The following ATP6V0A1 variants were observed in gnomAD, a reference collection of about 807,000 sequenced individuals.
The protein encoded by ATP6V0A1 is V-type proton ATPase 116 kDa subunit a 1.
Under a neutral mutation model 105.4 loss-of-function variants are expected in ATP6V0A1, and 43 were observed. That is an observed-to-expected ratio of 0.41 (90% CI 0.32 to 0.53). The LOEUF is 0.53. ATP6V0A1 is among the 20% of genes least tolerant of loss of function. ATP6V0A1 has a pLI of 0.30. For synonymous variants in ATP6V0A1, 362 were observed against 372.8 expected (o/e 0.97, Z 0.33); for missense variants, 676 against 1,051.1 (o/e 0.64, Z 4.93).
intron 4 of ATP6V0A1, among the ~76,000 whole-genome samples, chr17:42,469,885 A>C (rs1220421421): frequency 6.6e-6 from 1 of 151,982 alleles, no homozygotes; most frequent in Non-Finnish European, 1.5e-5. Context: ...CAAGTGATCC[A>C]CCCGCCTCGG....
chr17:42,467,924 G>A, intron 3 of ATP6V0A1, 86 bp from the exon 4 acceptor site: 1 of 701,940 alleles, frequency 1.4e-6, no homozygotes. Flanking sequence ...TTGTAACCAG[G>A]TCTTAGATGT....
chr17:42,514,549 C>A, intron 21 of ATP6V0A1, 89 bp downstream of exon 21: 1 of 1,318,660 alleles, frequency 7.6e-7, no homozygotes, highest in Non-Finnish European at 1.0e-6. Context: ...CACAGCCCTG[C>A]AGCTCTGTGC....
Position 42,499,012 on chromosome 17 carries a change from T to C in ATP6V0A1, c.1649T>C (p.Phe550Ser), listed in dbSNP as rs139770191. Residue 550 changes from phenylalanine (F) to serine (S), a missense_variant, in exon 15 of 22, where the codon TTT (phenylalanine) becomes TCT (serine). By Grantham distance (155) the Phe-to-Ser change is radical (BLOSUM62 -2). Around this residue, in one of 3 missense-constraint regions of ATP6V0A1, gnomAD observed 435 missense variants for 642.2 expected, o/e 0.68. Transcript: ENST00000343619. Reference sequence around the variant, plus strand: ...ATCCTTGGTATCATCCATATGCTGTTTGGAGTCAGCCTGAGTCTGTTCAAC... The same window carrying C: ...ATCCTTGGTATCATCCATATGCTGTCTGGAGTCAGCCTGAGTCTGTTCAAC... ...SVILGIIHML[F>S]GVSLSLFNHI... The C allele has an allele frequency of 3.5e-5, 57 of 1,612,434 alleles. No individual in the cohort carries two copies. The highest frequency in any genetic ancestry group is 4.8e-5 in the Non-Finnish European group (57 of 1,178,622).
At chr17:42,508,312 T>C (rs2092150869) in intron 18 of ATP6V0A1, among the ~76,000 whole-genome samples, 1 of 152,284 alleles carries the variant, frequency 6.6e-6, no homozygotes, top group Non-Finnish European at 1.5e-5. Context: ...CTTTTCAGTC[T>C]GTCTGACCAC....
At position 42,470,227 on chromosome 17, in the gene ATP6V0A1, A is replaced by G. The variant is rs2087704793; in HGVS notation, c.423+9A>G. 6 of 1,611,674 alleles carry G rather than the reference A, an allele frequency of 3.7e-6. No homozygotes were observed. Among genetic ancestry groups the G allele is most frequent in the Admixed American group, 1.7e-5 (1 of 59,936 alleles). On this transcript the variant is annotated intron_variant, in intron 5 of 21. Coordinates refer to ENST00000343619, the MANE Select transcript of ATP6V0A1 (RefSeq NM_001130021.3). ...AGCAATTTTTTGATGAGGTCAGACTATTGTTTCTTTTAGTATTTGAGCAGC... is the reference window on the plus strand; with the variant it reads ...AGCAATTTTTTGATGAGGTCAGACTGTTGTTTCTTTTAGTATTTGAGCAGC...
intron 18 of ATP6V0A1, among the ~76,000 whole-genome samples, chr17:42,508,229 A>G (rs2092145794): frequency 6.6e-6 from 1 of 152,196 alleles, no homozygotes; most frequent in African/African-American, 2.4e-5. Flanking sequence ...CTCTGAACTG[A>G]ACTATTAAAT....
chr17:42,471,706 C>G (rs1432863969), intron 5 of ATP6V0A1, among the ~76,000 whole-genome samples: 1 of 152,026 alleles, frequency 6.6e-6, no homozygotes, highest in Non-Finnish European at 1.5e-5. Flanking sequence ...TTTACTCCAG[C>G]CTGGGGGACA....
intron 5 of ATP6V0A1, among the ~76,000 whole-genome samples, chr17:42,475,232 CT>C (rs1567818798): frequency 6.6e-6 from 1 of 152,034 alleles, no homozygotes. Context: ...ATTGTTTGTT[CT>C]TGGTAATTGA....
intron 4 of ATP6V0A1, 98 bp from the exon 5 acceptor site, chr17:42,469,992 C>G (rs2087671148): frequency 8.2e-7 from 1 of 1,224,314 alleles, no homozygotes; most frequent in African/African-American, 1.5e-5. Context: ...TCTCTTTGAA[C>G]TATCGGCTTG....
chr17:42,465,284 G>A (rs148785638), intron 2 of ATP6V0A1, among the ~76,000 whole-genome samples: 2,237 of 150,974 alleles, frequency 0.015, 56 homozygotes, highest in African/African-American at 0.052. Context: ...GTGAGCCACC[G>A]CATCCGGCCT....
intron 3 of ATP6V0A1, 96 bp from the exon 4 acceptor site, chr17:42,467,914 T>C (rs1441874849): frequency 7.7e-6 from 4 of 520,450 alleles, no homozygotes; most frequent in Middle Eastern, 5.2e-4. Flanking sequence ...ATAAAACTTT[T>C]TGTAACCAGG....
intron 5 of ATP6V0A1, among the ~76,000 whole-genome samples, chr17:42,475,245 A>G (rs1304389551): frequency 6.6e-6 from 1 of 152,234 alleles, no homozygotes; most frequent in Non-Finnish European, 1.5e-5. Context: ...GGTAATTGAC[A>G]TAGCTTGAAC....
intron 2 of ATP6V0A1, among the ~76,000 whole-genome samples, chr17:42,461,714 T>C (rs1002249092): frequency 6.6e-6 from 1 of 152,112 alleles, no homozygotes; most frequent in African/African-American, 2.4e-5. Flanking sequence ...GAGGTTGCAG[T>C]GAGCCGAGAT....
chr17:42,494,738 T>C (rs148231144), intron 12 of ATP6V0A1: 40 of 469,434 alleles, frequency 8.5e-5, no homozygotes, highest in African/African-American at 6.4e-4. Flanking sequence ...TGAGACCCCA[T>C]CTCTAAAAAA....
At position 42,495,539 on chromosome 17, in the gene ATP6V0A1, A is replaced by G. The variant is rs1207757023; in HGVS notation, c.1470-87A>G. The G allele has an allele frequency of 2.1e-5, 21 of 1,003,462 alleles. 1 individual carries two copies. The highest frequency in any genetic ancestry group is 4.9e-5 in the African/African-American group (3 of 61,538). The allele number at this position is 1,003,462 out of a possible 1,614,324, so 62.2% of individuals were successfully genotyped here. A position where few individuals can be genotyped will look rare whatever the true frequency, so the allele number is the denominator to read the frequency against. On this transcript the variant is annotated intron_variant, in intron 13 of 21. Coordinates refer to ENST00000343619, the MANE Select transcript of ATP6V0A1 (RefSeq NM_001130021.3). Reference sequence around the variant, plus strand: ...TTTATTGAAGAGACAAGATAGCTACAGTAATTTATTTTGGGGTCAGTTTCT... The same window carrying G: ...TTTATTGAAGAGACAAGATAGCTACGGTAATTTATTTTGGGGTCAGTTTCT...
chr17:42,507,464 A>T, intron 17 of ATP6V0A1, 56 bp from the exon 18 acceptor site: 1 of 1,318,096 alleles, frequency 7.6e-7, no homozygotes, highest in Non-Finnish European at 1.1e-6. Flanking sequence ...TTCCCACCTC[A>T]CAGAATGTCA....
At chr17:42,486,895 G>A (rs1244667857) in intron 9 of ATP6V0A1, among the ~76,000 whole-genome samples, 4 of 152,180 alleles carry the variant, frequency 2.6e-5, no homozygotes, top group African/African-American at 7.2e-5. Context: ...CCTTGGATTG[G>A]TGGTAAGATT....
chr17:42,473,747 C>T (rs115721628), intron 5 of ATP6V0A1, among the ~76,000 whole-genome samples: 2,254 of 151,864 alleles, frequency 0.015, 59 homozygotes, highest in African/African-American at 0.052. Flanking sequence ...GGAGAAATTC[C>T]GAATAAAGAC....
At chr17:42,478,670 A>G in intron 7 of ATP6V0A1, 81 bp downstream of exon 7, 1 of 1,379,298 alleles carries the variant, frequency 7.3e-7, no homozygotes, top group Non-Finnish European at 9.6e-7. Context: ...GGCCACCTGA[A>G]TCCAGTGCTT....
Sources: gnomAD v4.1 joint callset for allele counts (sites outside exome capture counted in the v4.1 genomes callset) on GRCh38, gnomAD v4.1.1 for gene constraint, gnomAD v4.1.1 regional missense constraint, MANE v1.5 for transcripts, NCBI Gene and HGNC (gene_info 2026-07-23, HGNC 2026-07-21) for gene names.